Variants in SFRP1 observed in about 807,000 individuals in gnomAD.
SFRP1 encodes secreted frizzled related protein 1.
In SFRP1, 9 loss-of-function variants were observed where a neutral mutation model predicts 25.9. The observed-to-expected ratio is 0.35, with a 90% CI of 0.21 to 0.61. SFRP1 has a LOEUF of 0.61. Ranked by LOEUF, SFRP1 falls within the 20% of genes least tolerant of loss-of-function variation. SFRP1 has a pLI of 0.78. For missense variants in SFRP1, 346 were observed against 418.2 expected (o/e 0.83, Z 1.51); for synonymous variants, 178 against 174.0 (o/e 1.02, Z -0.18).
At chr8:41,295,398 G>A (rs1803831428) in intron 2 of SFRP1, among the ~76,000 whole-genome samples, 1 of 152,032 alleles carries the variant, frequency 6.6e-6, no homozygotes, top group Non-Finnish European at 1.5e-5. Flanking sequence ...GCATGGTGGT[G>A]GGCGCCTGTA....
intron 1 of SFRP1, chr8:41,306,634 G>A (rs1585524163): frequency 6.8e-7 from 1 of 1,479,914 alleles, no homozygotes; most frequent in Non-Finnish European, 9.1e-7. Context: ...CCACTGAGGG[G>A]AAAACCAGTC....
chr8:41,295,478 A>G (rs1486362177), intron 2 of SFRP1, among the ~76,000 whole-genome samples: 1 of 152,046 alleles, frequency 6.6e-6, no homozygotes, highest in Non-Finnish European at 1.5e-5. Flanking sequence ...GCAATGAGCT[A>G]AGATCACACC....
intron 2 of SFRP1, among the ~76,000 whole-genome samples, chr8:41,291,099 G>A (rs967950809): frequency 1.3e-5 from 2 of 150,992 alleles, no homozygotes; most frequent in Non-Finnish European, 3.0e-5. Context: ...TAGTGGAGAC[G>A]GGGTTTCCCC....
chr8:41,298,704 C>A (rs1346837803), intron 2 of SFRP1, among the ~76,000 whole-genome samples: 1 of 152,190 alleles, frequency 6.6e-6, no homozygotes, highest in Non-Finnish European at 1.5e-5. Flanking sequence ...TGTGAGACAG[C>A]ATGCCCAGCC....
In SFRP1 at chr8:41,263,645, T is replaced by C. The variant is rs1044938143; in HGVS notation, c.*1522A>G. The C allele has an allele frequency of 6.6e-6, 1 of 152,224 alleles. No individual in the cohort carries two copies. Among genetic ancestry groups the C allele is most frequent in the Admixed American group, 6.5e-5 (1 of 15,278 alleles). The allele number at this position is 152,224 out of a possible 1,614,324, so 9.4% of individuals were successfully genotyped here. On this transcript the variant is annotated 3_prime_UTR_variant, in exon 3 of 3. Transcript: ENST00000220772. Reference sequence around the variant, plus strand: ...CCGGCTTTGGGGGAAGAAATTAATATGCATTTTTTTTAGAACTACTTCCTG... The same window carrying C: ...CCGGCTTTGGGGGAAGAAATTAATACGCATTTTTTTTAGAACTACTTCCTG...
intron 2 of SFRP1, among the ~76,000 whole-genome samples, chr8:41,277,904 C>A (rs1024251478): frequency 6.6e-6 from 1 of 152,222 alleles, no homozygotes; most frequent in Non-Finnish European, 1.5e-5. Flanking sequence ...AGCCACTGTG[C>A]CTGGCCAGAA....
chr8:41,279,776 A>AAG, intron 2 of SFRP1, among the ~76,000 whole-genome samples: 1 of 90,224 alleles, frequency 1.1e-5, no homozygotes, highest in South Asian at 4.5e-4. Flanking sequence ...CTAAGAAAGC[A>AAG]AAAAAAAAAA....
intron 2 of SFRP1, among the ~76,000 whole-genome samples, chr8:41,295,695 C>A (rs1271586544): frequency 6.6e-6 from 1 of 152,080 alleles, no homozygotes; most frequent in African/African-American, 2.4e-5. Context: ...ATGGGTCTCT[C>A]ACAGCCACCC....
At position 41,285,562 on chromosome 8, in the gene SFRP1, C is replaced by A. The variant is rs562654147; in HGVS notation, c.622+17899G>T. Among the ~76,000 whole-genome samples the A allele has an allele frequency of 6.6e-5, 10 of 152,308 alleles. No homozygotes were observed. The East Asian group carries it at 1.9e-3, about 29-fold the overall frequency. The stretch of plus-strand genomic sequence containing the variant: ...ATAAGTCGTTTCCTAAAAAGAAATG[C>A]GGCTGCAGTAAGGCAGGAAAGCCGG... On this transcript the variant is annotated intron_variant, in intron 2 of 2. Transcript: ENST00000220772.
intron 2 of SFRP1, among the ~76,000 whole-genome samples, chr8:41,301,988 C>T (rs1451733018): frequency 1.3e-5 from 2 of 152,260 alleles, no homozygotes; most frequent in East Asian, 1.9e-4. Context: ...CTTTCCCAGG[C>T]TTGCCTCTTC....
At chr8:41,302,634 G>A (rs571491626) in intron 2 of SFRP1, among the ~76,000 whole-genome samples, 11 of 151,394 alleles carry the variant, frequency 7.3e-5, no homozygotes, top group African/African-American at 2.7e-4. Context: ...AGATAGAGGC[G>A]AGAGAGAGGG....
chr8:41,272,107 C>A (rs1803517172), intron 2 of SFRP1, among the ~76,000 whole-genome samples: 1 of 151,860 alleles, frequency 6.6e-6, no homozygotes, highest in African/African-American at 2.4e-5. Flanking sequence ...ATATAAAATG[C>A]AAGACAAGTA....
chr8:41,298,609 T>A (rs1198406744), intron 2 of SFRP1, among the ~76,000 whole-genome samples: 3 of 152,064 alleles, frequency 2.0e-5, no homozygotes, highest in African/African-American at 7.2e-5. Flanking sequence ...TTTCACTATG[T>A]TGCCTGGGGT....
At chr8:41,277,899 C>T (rs1803589930) in intron 2 of SFRP1, among the ~76,000 whole-genome samples, 1 of 152,232 alleles carries the variant, frequency 6.6e-6, no homozygotes. Context: ...GCATGAGCCA[C>T]TGTGCCTGGC....
chr8:41,281,412 G>C (rs1361898073), intron 2 of SFRP1, among the ~76,000 whole-genome samples: 1 of 152,238 alleles, frequency 6.6e-6, no homozygotes, highest in Non-Finnish European at 1.5e-5. Context: ...ACAGACAGGG[G>C]AAAATGAAAG....
chr8:41,304,483 A>G (rs1396001482), intron 1 of SFRP1, among the ~76,000 whole-genome samples: 2 of 151,984 alleles, frequency 1.3e-5, no homozygotes, highest in African/African-American at 2.4e-5. Context: ...TCACGAGCAC[A>G]TTCTAGGGGC....
intron 2 of SFRP1, among the ~76,000 whole-genome samples, chr8:41,300,829 T>C (rs935518610): frequency 6.6e-6 from 1 of 152,186 alleles, no homozygotes; most frequent in Non-Finnish European, 1.5e-5. Flanking sequence ...CCATGTTCGA[T>C]GCGGTGACTT....
At chr8:41,289,864 A>T (rs1341207675) in intron 2 of SFRP1, among the ~76,000 whole-genome samples, 2 of 152,208 alleles carry the variant, frequency 1.3e-5, no homozygotes, top group East Asian at 3.9e-4. Flanking sequence ...GCTCTTCTGG[A>T]GGATAGTGGA....
rs985170193 is a variant in SFRP1 at position 41,264,567 on chromosome 8, C to A, written c.*600G>T. On this transcript the variant is annotated 3_prime_UTR_variant, in exon 3 of 3. Transcript: ENST00000220772. The stretch of plus-strand genomic sequence containing the variant: ...AAGACTGTGGGCAGAGAAGGCAATG[C>A]CTCTCCCCTGGTCCCTTTGCTGTCA... 1 of 152,258 alleles carries A rather than the reference C, an allele frequency of 6.6e-6. No homozygotes were observed. Among genetic ancestry groups the A allele is most frequent in the Non-Finnish European group, 1.5e-5 (1 of 68,102 alleles). The allele number at this position is 152,258 out of a possible 1,614,324, so 9.4% of individuals were successfully genotyped here. A position where few individuals can be genotyped will look rare whatever the true frequency, so the allele number is the denominator to read the frequency against.
Sources: gnomAD v4.1 joint callset for allele counts (sites outside exome capture counted in the v4.1 genomes callset) on GRCh38, gnomAD v4.1.1 for gene constraint, MANE v1.5 for transcripts, NCBI Gene and HGNC (gene_info 2026-07-23, HGNC 2026-07-21) for gene names.